Variants in RALGDS observed in about 807,000 individuals in gnomAD.
RALGDS encodes the protein ral guanine nucleotide dissociation stimulator.
RALGDS carries 44 observed loss-of-function variants against 99.8 expected under a neutral mutation model. The observed-to-expected ratio is 0.44, with a 90% CI of 0.35 to 0.57. RALGDS has a LOEUF of 0.57. Among genes scored for constraint, RALGDS ranks in the 20% least tolerant of loss-of-function variants. RALGDS has a pLI of 0.01. For synonymous variants in RALGDS, 529 were observed against 505.0 expected, an observed-to-expected ratio of 1.05 and a Z score of -0.64; for missense variants, 1,022 against 1,203.1, an observed-to-expected ratio of 0.85 and a Z score of 2.23.
intron 9 of RALGDS, among the ~76,000 whole-genome samples, chr9:133,105,566 G>A (rs1830976115): frequency 6.6e-6 from 1 of 152,102 alleles, no homozygotes; most frequent in African/African-American, 2.4e-5. Context: ...GCCTCCCGGG[G>A]ACAGACTGGG....
chr9:133,109,543 CCCGGCT>C (rs1402463233), intron 4 of RALGDS, 77 bp downstream of exon 4: 3 of 1,309,832 alleles, frequency 2.3e-6, no homozygotes, highest in Admixed American at 3.4e-5. Context: ...CCCAGCCAGC[CCCGGCT>C]CCGGCCCCAG....
At chr9:133,106,097 C>A in intron 8 of RALGDS, 81 bp from the exon 9 acceptor site, 1 of 1,107,970 alleles carries the variant, frequency 9.0e-7, no homozygotes, top group Admixed American at 1.9e-5. Flanking sequence ...TATTTTAGAG[C>A]TGAAAGACCC....
At chr9:133,098,822 C>T (rs1830613819) in intron 17 of RALGDS, 60 bp from the exon 18 acceptor site, 2 of 1,555,036 alleles carry the variant, frequency 1.3e-6, no homozygotes, top group South Asian at 2.2e-5. Context: ...CAGGATACCC[C>T]TACCGCTTGA....
At chr9:133,109,422 G>A (rs2119163105) in intron 4 of RALGDS, among the ~76,000 whole-genome samples, 1 of 152,148 alleles carries the variant, frequency 6.6e-6, no homozygotes, top group South Asian at 2.1e-4. Context: ...CCGAGCCCCA[G>A]CCACCCCAGG....
intron 1 of RALGDS, among the ~76,000 whole-genome samples, chr9:133,146,833 C>T (rs970457479): frequency 5.3e-5 from 8 of 152,188 alleles, no homozygotes; most frequent in Non-Finnish European, 1.0e-4. Context: ...AAGGGAGGGC[C>T]CCCACCAACA....
intron 4 of RALGDS, 135 bp from the exon 5 acceptor site, chr9:133,109,001 C>A: frequency 2.4e-6 from 2 of 848,532 alleles, no homozygotes. Context: ...GCTAAAAGAA[C>A]CAAGGAGGCC....
chr9:133,106,478 C>A (rs1831064404), intron 8 of RALGDS, among the ~76,000 whole-genome samples, 167 bp downstream of exon 8: 1 of 152,206 alleles, frequency 6.6e-6, no homozygotes, highest in Admixed American at 6.5e-5. Context: ...AACCCACCAT[C>A]TGACAGCTTA....
At position 133,114,694 on chromosome 9, in the gene RALGDS, G is replaced by C. The variant is rs542725452; in HGVS notation, c.184-2542C>G. ...GAGAAAACGCTTTCCCCTGAGGGCA[G>C]GTGCCCAGGCAGCCGCTATGAGCTG... On this transcript the variant is annotated intron_variant, in intron 1 of 17. Transcript: ENST00000372050. Among the ~76,000 whole-genome samples the C allele has an allele frequency of 3.3e-5, 5 of 152,328 alleles. No homozygotes were observed. In the South Asian group the frequency reaches 1.0e-3, roughly 32 times the overall value.
chr9:133,106,511 G>A, intron 8 of RALGDS, 134 bp downstream of exon 8: 5 of 677,254 alleles, frequency 7.4e-6, no homozygotes, highest in Non-Finnish European at 1.3e-5. Flanking sequence ...CTGAGGCAGA[G>A]CTGCTGCCAA....
chr9:133,121,142 T>G lies in RALGDS; in HGVS notation c.13A>C (p.Met5Leu). Reference protein sequence around the residue: MVQRMWAEAAGPAGG... With the variant: MVQRLWAEAAGPAGG... ...GCAGGCCCGGCCGCCTCGGCCCACA[T>G]GCGCTGCACCATGGAAGGCTCGCAG... The change falls in exon 1 of 18, where the codon ATG becomes CTG. Residue 5 changes from methionine (M) to leucine (L), a missense_variant. This residue lies in a region of RALGDS where 180 missense variants were observed against 169.3 expected (regional missense o/e 1.06). Coordinates refer to ENST00000372050, the MANE Select transcript of RALGDS (RefSeq NM_006266.4). 2.2e-6 allele frequency: 3 copies of G among 1,362,736 alleles called. No homozygotes were observed. Among genetic ancestry groups the G allele is most frequent in the South Asian group, 3.2e-5 (2 of 62,904 alleles). 84.4% of individuals were successfully genotyped at this position (1,362,736 alleles called of 1,614,324 possible).
At chr9:133,114,634 GAGGAGC>G (rs530278296) in intron 1 of RALGDS, among the ~76,000 whole-genome samples, 21 of 152,370 alleles carry the variant, frequency 1.4e-4, no homozygotes, top group Admixed American at 7.8e-4. Flanking sequence ...CTCAGAGCGG[GAGGAGC>G]AGGAACGGCC....
At chr9:133,125,496 G>A (rs867959807), upstream of RALGDS, among the ~76,000 whole-genome samples, 4 of 152,214 alleles carry the variant, frequency 2.6e-5, no homozygotes, top group Non-Finnish European at 5.9e-5. Context: ...CACTTTGGGA[G>A]GTTGAGCTGG....
At position 133,101,437 on chromosome 9, in the gene RALGDS, G is replaced by A. The variant is rs568931846; in HGVS notation, c.2454+83C>T. On this transcript the variant is annotated intron_variant, in intron 16 of 17. Transcript: ENST00000372050. ...CCCCGCCAACTACAAGGTAGACCCCGGGAGGGCAGGGATGGTGCACTGTGT... is the reference window on the plus strand; with the variant it reads ...CCCCGCCAACTACAAGGTAGACCCCAGGAGGGCAGGGATGGTGCACTGTGT... The A allele has an allele frequency of 5.1e-5, 82 of 1,600,774 alleles. No homozygotes were observed. The South Asian group carries it at 5.7e-4, about 11-fold the overall frequency.
intron 1 of RALGDS, among the ~76,000 whole-genome samples, chr9:133,141,843 C>T (rs1832528918): frequency 6.6e-6 from 1 of 152,252 alleles, no homozygotes; most frequent in Non-Finnish European, 1.5e-5. Context: ...GTCACATAGT[C>T]AGTCGGTATC....
In RALGDS at chr9:133,104,245, G is replaced by A. The variant is rs760950209; in HGVS notation, c.1671+18C>T. ...CCAGGCCAGCCCCCTGCCCCTCCGC[G>A]GCCTTGGGCACTCTCACCGTCTCCT... On this transcript the variant is annotated intron_variant, in intron 10 of 17. Coordinates refer to ENST00000372050, the MANE Select transcript of RALGDS (RefSeq NM_006266.4). 1.6e-5 allele frequency: 25 copies of A among 1,607,494 alleles called. No homozygotes were observed. In the Admixed American group the frequency reaches 3.2e-4, roughly 20 times the overall value.
intron 6 of RALGDS, 112 bp from the exon 7 acceptor site, chr9:133,107,412 TC>T: frequency 2.0e-6 from 2 of 986,930 alleles, no homozygotes; most frequent in Non-Finnish European, 3.1e-6. Flanking sequence ...TTATCCCGTG[TC>T]CATGCAGGGT....
chr9:133,144,688 C>A lies in RALGDS; in HGVS notation c.18+4275G>T, dbSNP rs561218886. 5.9e-5 allele frequency among the ~76,000 whole-genome samples: 9 copies of A among 152,356 alleles called. No individual in the cohort carries two copies. The highest frequency in any genetic ancestry group is 1.9e-4 in the African/African-American group (8 of 41,594). On this transcript the variant is annotated intron_variant, in intron 1 of 17. Transcript: ENST00000393160. The surrounding 1 kb of genome is among the most constrained non-coding windows in gnomAD (Gnocchi z 4.5). ...ACACCCCCTGGCTGGGGGCTGGGTT[C>A]CTGCGATGTCTTCCGACTCCCCGCT...
At chr9:133,110,214 C>T (rs1831275432) in intron 3 of RALGDS, 82 bp downstream of exon 3, 1 of 1,384,118 alleles carries the variant, frequency 7.2e-7, no homozygotes, top group Non-Finnish European at 1.0e-6. Context: ...AGAGGTGAAT[C>T]AGCATTGCCA....
chr9:133,116,770 G>A (rs1831629228), intron 1 of RALGDS, among the ~76,000 whole-genome samples: 1 of 152,260 alleles, frequency 6.6e-6, no homozygotes. Context: ...AACAGCCTGA[G>A]AGGAACTCGC....
Sources: allele counts gnomAD v4.1 joint callset (sites outside exome capture counted in the v4.1 genomes callset), GRCh38; gene constraint gnomAD v4.1.1; regional missense constraint gnomAD v4.1.1; non-coding constraint Gnocchi (gnomAD v3.1); transcripts MANE v1.5; gene names NCBI Gene and HGNC (gene_info 2026-07-23, HGNC 2026-07-21).